FANCC: variants seen among roughly 807,000 people sequenced by gnomAD.
FANCC encodes FA complementation group C, also known as Fanconi anemia group C protein.
In FANCC, 55 loss-of-function variants were observed where a neutral mutation model predicts 71.3. The observed-to-expected ratio is 0.77, with a 90% CI of 0.62 to 0.97. The LOEUF is 0.97. FANCC is among the 50% of genes least tolerant of loss of function. FANCC has a pLI of 0.00. For synonymous variants in FANCC, 275 were observed against 244.9 expected (o/e 1.12, Z -1.15); for missense variants, 678 against 670.9 (o/e 1.01, Z -0.12).
intron 4 of FANCC, among the ~76,000 whole-genome samples, chr9:95,218,347 C>T (rs1326277830): frequency 1.3e-5 from 2 of 152,102 alleles, no homozygotes; most frequent in Admixed American, 6.5e-5. Context: ...TGCCTGTAGT[C>T]CTAGCTACAC....
chr9:95,294,570 A>C (rs947649740), intron 1 of FANCC: 2 of 1,536,870 alleles, frequency 1.3e-6, no homozygotes, highest in Non-Finnish European at 1.8e-6. Flanking sequence ...AAACTGAAGG[A>C]ATCTCCACTG....
intron 5 of FANCC, 56 bp downstream of exon 5, chr9:95,171,981 G>C: frequency 9.5e-7 from 1 of 1,047,186 alleles, no homozygotes; most frequent in South Asian, 1.3e-5. Context: ...TACTCTTTTT[G>C]CTGATGGCAC....
chr9:95,284,351 T>C (rs1490240115), intron 1 of FANCC, among the ~76,000 whole-genome samples: 4 of 152,208 alleles, frequency 2.6e-5, no homozygotes, highest in Admixed American at 6.5e-5. Flanking sequence ...TATGTTAATA[T>C]GAGATGGATA....
At chr9:95,196,470 T>C (rs889359510) in intron 4 of FANCC, among the ~76,000 whole-genome samples, 3 of 152,188 alleles carry the variant, frequency 2.0e-5, no homozygotes, top group Non-Finnish European at 4.4e-5. Context: ...TCTGTTTTAT[T>C]GTCTGCTATT....
At chr9:95,285,991 A>G (rs1431974038) in intron 1 of FANCC, among the ~76,000 whole-genome samples, 1 of 152,220 alleles carries the variant, frequency 6.6e-6, no homozygotes, top group Non-Finnish European at 1.5e-5. Flanking sequence ...CATATGAAGG[A>G]ACTTAAGCCA....
intron 6 of FANCC, among the ~76,000 whole-genome samples, chr9:95,163,879 C>CA (rs1403339170): frequency 3.3e-5 from 5 of 151,964 alleles, no homozygotes; most frequent in South Asian, 2.1e-4. Flanking sequence ...AAACAAACCC[C>CA]AAAAAAACCA....
At chr9:95,148,003 C>G (rs574264415) in intron 7 of FANCC, among the ~76,000 whole-genome samples, 23 of 152,042 alleles carry the variant, frequency 1.5e-4, no homozygotes, top group African/African-American at 5.6e-4. Context: ...CTGGAATAAC[C>G]GTGTTGACAT....
intron 1 of FANCC, chr9:95,293,328 G>C: frequency 3.1e-6 from 5 of 1,609,680 alleles, no homozygotes; most frequent in Non-Finnish European, 4.2e-6. Context: ...GTGGTGTTAG[G>C]TGTTGATCAG....
chr9:95,219,661 A>G (rs1829108010), intron 4 of FANCC, among the ~76,000 whole-genome samples: 1 of 152,256 alleles, frequency 6.6e-6, no homozygotes, highest in African/African-American at 2.4e-5. Flanking sequence ...CTGGCTAGCC[A>G]TATGTAGAAA....
intron 1 of FANCC, chr9:95,292,529 G>T: frequency 6.7e-7 from 1 of 1,488,014 alleles, no homozygotes; most frequent in Non-Finnish European, 9.0e-7. Context: ...CCGTGCTGGC[G>T]GGGGAGCTGA....
chr9:95,104,166 G>C (rs1478946535), intron 14 of FANCC, among the ~76,000 whole-genome samples: 3 of 152,222 alleles, frequency 2.0e-5, no homozygotes, highest in Non-Finnish European at 4.4e-5. Flanking sequence ...GGTGGTGGGA[G>C]GGATCCTTCC....
At chr9:95,200,636 T>C (rs539842141) in intron 4 of FANCC, among the ~76,000 whole-genome samples, 194 of 152,316 alleles carry the variant, frequency 1.3e-3, no homozygotes, top group African/African-American at 4.5e-3. Flanking sequence ...GAGATAATTA[T>C]ATCTGCCCTG....
At chr9:95,183,002 G>C (rs904964375) in intron 4 of FANCC, among the ~76,000 whole-genome samples, 2 of 152,004 alleles carry the variant, frequency 1.3e-5, no homozygotes, top group Non-Finnish European at 2.9e-5. Flanking sequence ...GCCCGCCTGC[G>C]CAAACTCACT....
chr9:95,105,895 TCTGCCTG>T (rs1201352827), intron 14 of FANCC, among the ~76,000 whole-genome samples: 4 of 152,216 alleles, frequency 2.6e-5, no homozygotes, highest in African/African-American at 9.6e-5. Context: ...TTAGGCCATC[TCTGCCTG>T]CTGGCTGCTG....
chr9:95,289,631 T>C (rs1347594436), intron 1 of FANCC, among the ~76,000 whole-genome samples: 1 of 152,164 alleles, frequency 6.6e-6, no homozygotes, highest in Non-Finnish European at 1.5e-5. Flanking sequence ...TTTGTTTTAG[T>C]TTTTAACCAT....
At chr9:95,256,113 A>C (rs569306046) in intron 1 of FANCC, among the ~76,000 whole-genome samples, 2 of 152,164 alleles carry the variant, frequency 1.3e-5, no homozygotes, top group Non-Finnish European at 2.9e-5. Context: ...GTTGGAAAAC[A>C]CTCTTCAGGG....
At chr9:95,180,338 T>A (rs961992406) in intron 4 of FANCC, among the ~76,000 whole-genome samples, 6 of 126,876 alleles carry the variant, frequency 4.7e-5, no homozygotes, top group East Asian at 5.3e-4. Flanking sequence ...TACAGTTAAC[T>A]CTTTTTTTTT....
chr9:95,316,216 G>A (rs969110402), intron 1 of FANCC, among the ~76,000 whole-genome samples: 5 of 152,234 alleles, frequency 3.3e-5, no homozygotes, highest in Non-Finnish European at 5.9e-5. Context: ...ATATATCTAG[G>A]AAAACAAATT....
At chr9:95,172,009 T>G in intron 5 of FANCC, 28 bp downstream of exon 5, 3 of 1,365,758 alleles carry the variant, frequency 2.2e-6, no homozygotes, top group Non-Finnish European at 2.1e-6. Context: ...ATTAAACATT[T>G]CAAAAGTGAT....
Sources: gnomAD v4.1 joint callset for allele counts (sites outside exome capture counted in the v4.1 genomes callset) on GRCh38, gnomAD v4.1.1 for gene constraint, MANE v1.5 for transcripts, NCBI Gene and HGNC (gene_info 2026-07-23, HGNC 2026-07-21) for gene names.